Variants in GPC6 observed in about 807,000 individuals in gnomAD.
GPC6 encodes the protein glypican-6.
A neutral mutation model predicts 55.2 loss-of-function variants in GPC6; 14 were observed. The observed-to-expected ratio is 0.25, with a 90% confidence interval of 0.17 to 0.40. The LOEUF is 0.40. Ranked by LOEUF, GPC6 falls within the 10% of genes least tolerant of loss-of-function variation. The pLI, the probability that GPC6 is intolerant of heterozygous loss-of-function variation, is 1.00. For synonymous variants in GPC6, 278 were observed against 259.6 expected (o/e 1.07, Z -0.68); for missense variants, 641 against 708.5 (o/e 0.90, Z 1.08).
intron 1 of GPC6, among the ~76,000 whole-genome samples, chr13:93,366,999 C>T (rs1310740951): frequency 2.6e-5 from 4 of 152,040 alleles, no homozygotes; most frequent in Non-Finnish European, 5.9e-5. Context: ...ATTCTTAATG[C>T]TGGGAATGTG....
At chr13:93,789,984 A>C (rs370544605) in intron 2 of GPC6, among the ~76,000 whole-genome samples, 28 of 152,290 alleles carry the variant, frequency 1.8e-4, no homozygotes, top group African/African-American at 6.7e-4. Context: ...AAACATTAAA[A>C]GTACTTGAAT....
At chr13:93,744,936 C>CA (rs71126414) in intron 2 of GPC6, among the ~76,000 whole-genome samples, 31,212 of 144,130 alleles carry the variant, frequency 0.22, 3,720 homozygotes, top group Non-Finnish European at 0.27. Context: ...GACTCTGTCT[C>CA]AAAAAAAAAA....
chr13:93,377,820 C>T (rs2139200050), intron 1 of GPC6, among the ~76,000 whole-genome samples: 1 of 152,254 alleles, frequency 6.6e-6, no homozygotes, highest in Non-Finnish European at 1.5e-5. Flanking sequence ...ACATAATTTC[C>T]TAGAGAAACT....
intron 4 of GPC6, among the ~76,000 whole-genome samples, chr13:94,230,106 G>GT (rs1566569952): frequency 6.6e-6 from 1 of 152,020 alleles, no homozygotes; most frequent in Non-Finnish European, 1.5e-5. Context: ...CTGAACCTCC[G>GT]TTTTTTTAAT....
At chr13:94,121,999 G>T (rs1886647405) in intron 4 of GPC6, among the ~76,000 whole-genome samples, 1 of 152,034 alleles carries the variant, frequency 6.6e-6, no homozygotes, top group East Asian at 1.9e-4. Context: ...GAGTCTTGGT[G>T]CTACCGTTAA....
At chr13:94,359,473 C>T (rs1874270881) in intron 6 of GPC6, among the ~76,000 whole-genome samples, 2 of 152,076 alleles carry the variant, frequency 1.3e-5, no homozygotes. Context: ...GGTTAGGGTT[C>T]CATTCTGTTC....
intron 1 of GPC6, among the ~76,000 whole-genome samples, chr13:93,543,762 T>C (rs1882423783): frequency 6.6e-6 from 1 of 152,174 alleles, no homozygotes; most frequent in Non-Finnish European, 1.5e-5. Context: ...TTGGCTATTG[T>C]GCGTAGTGTT....
At chr13:93,221,080 G>T in the GPC6 span, among the ~76,000 whole-genome samples, 1 of 151,894 alleles carries the variant, frequency 6.6e-6, no homozygotes, top group African/African-American at 2.4e-5. Flanking sequence ...ATAGGATTTC[G>T]ATATGTTGCC....
At chr13:94,322,388 C>A (rs536004816) in intron 6 of GPC6, among the ~76,000 whole-genome samples, 28 of 152,220 alleles carry the variant, frequency 1.8e-4, no homozygotes, top group South Asian at 8.3e-4. Flanking sequence ...CTACACCTAC[C>A]CAGGCCAATC....
chr13:94,260,469 G>A (rs905238380), intron 4 of GPC6, among the ~76,000 whole-genome samples: 4 of 152,070 alleles, frequency 2.6e-5, no homozygotes, highest in Admixed American at 2.6e-4. Flanking sequence ...ATTATACTTG[G>A]CCATCTTCTC....
At chr13:93,963,691 T>C (rs2140386225) in intron 3 of GPC6, among the ~76,000 whole-genome samples, 1 of 152,336 alleles carries the variant, frequency 6.6e-6, no homozygotes, top group East Asian at 1.9e-4. Context: ...GTTGTGACAT[T>C]TCATTGTTGC....
At chr13:93,625,471 C>T (rs1465839581) in intron 2 of GPC6, among the ~76,000 whole-genome samples, 1 of 152,158 alleles carries the variant, frequency 6.6e-6, no homozygotes, top group Non-Finnish European at 1.5e-5. Context: ...CTTGGATTCC[C>T]AGTATCCAAA....
At chr13:94,100,487 G>A (rs1207973308) in intron 4 of GPC6, among the ~76,000 whole-genome samples, 1 of 152,126 alleles carries the variant, frequency 6.6e-6, no homozygotes, top group Non-Finnish European at 1.5e-5. Flanking sequence ...CTAGATTTGG[G>A]GTCACTTCAA....
At chr13:93,245,558 G>C (rs1876570041) in intron 1 of GPC6, among the ~76,000 whole-genome samples, 1 of 152,174 alleles carries the variant, frequency 6.6e-6, no homozygotes, top group Non-Finnish European at 1.5e-5. Context: ...TCTGTAATTT[G>C]CGTTTCTAAC....
intron 1 of GPC6, among the ~76,000 whole-genome samples, chr13:93,501,575 G>T (rs1253571136): frequency 2.0e-5 from 3 of 152,120 alleles, no homozygotes. Flanking sequence ...TCAGAAATGT[G>T]GGTGTTGAAC....
At chr13:93,902,284 T>C (rs770282892) in intron 3 of GPC6, among the ~76,000 whole-genome samples, 1 of 151,984 alleles carries the variant, frequency 6.6e-6, no homozygotes, top group Non-Finnish European at 1.5e-5. Context: ...AGATTCCACA[T>C]ATGAGTGAGA....
chr13:93,723,883 A>C (rs995850760), intron 2 of GPC6, among the ~76,000 whole-genome samples: 1 of 151,962 alleles, frequency 6.6e-6, no homozygotes, highest in African/African-American at 2.4e-5. Flanking sequence ...TGTGTTGATA[A>C]TAAAGATCTC....
intron 1 of GPC6, among the ~76,000 whole-genome samples, chr13:93,541,472 T>C (rs1882296436): frequency 1.2e-5 from 1 of 83,102 alleles, no homozygotes; most frequent in South Asian, 4.8e-4. Context: ...TTGTGAATAG[T>C]GCCGCAATAA....
intron 4 of GPC6, among the ~76,000 whole-genome samples, chr13:94,061,958 G>A (rs1884345326): frequency 6.6e-6 from 1 of 152,044 alleles, no homozygotes; most frequent in Admixed American, 6.6e-5. Context: ...CTGGGTACTG[G>A]CAAATCTCGA....
Sources: gnomAD v4.1 joint callset for allele counts (sites outside exome capture counted in the v4.1 genomes callset) on GRCh38, gnomAD v4.1.1 for gene constraint, MANE v1.5 for transcripts, NCBI Gene and HGNC (gene_info 2026-07-23, HGNC 2026-07-21) for gene names.